GLOD4: variants seen among roughly 807,000 people sequenced by gnomAD.
GLOD4 encodes glyoxalase domain containing 4, also known as glyoxalase domain-containing protein 4.
Under a neutral mutation model 39.1 loss-of-function variants are expected in GLOD4, and 44 were observed. The observed-to-expected ratio is 1.13, with a 90% CI of 0.88 to 1.45. The LOEUF is 1.45. GLOD4 is among the 40% of genes most tolerant of loss of function. The pLI, the probability that GLOD4 is intolerant of heterozygous loss-of-function variation, is 0.00. For synonymous variants in GLOD4, 145 were observed against 135.0 expected (o/e 1.07, Z -0.52); for missense variants, 405 against 366.4 (o/e 1.11, Z -0.86).
intron 5 of GLOD4, 81 bp from the exon 6 acceptor site, chr17:770,588 A>G: frequency 2.6e-6 from 2 of 764,010 alleles, no homozygotes; most frequent in Admixed American, 1.8e-5. Flanking sequence ...CAAATATTAT[A>G]TACTAAAGGA....
At chr17:778,454 T>C in intron 2 of GLOD4, 1 of 589,752 alleles carries the variant, frequency 1.7e-6, no homozygotes, top group Non-Finnish European at 3.0e-6. Flanking sequence ...TGCAGAGAAA[T>C]GTGTTCCCGA....
In GLOD4 at chr17:782,247, A is replaced by C. The variant is rs1206367492; in HGVS notation, c.9T>G (p.Ala3=). MA[A]RRALHFVFKV... ...TGAATACGAAGTGCAGAGCTCTGCG[A>C]GCAGCCATGATTCCCGCCGCACGCA... Residue 3 remains alanine, a synonymous_variant, in exon 1 of 9, where the codon GCT becomes GCG. Coordinates refer to ENST00000301329, the MANE Select transcript of GLOD4 (RefSeq NM_016080.4). 6.2e-7 allele frequency: 1 copy of C among 1,613,228 alleles called. No homozygotes were observed. The highest frequency in any genetic ancestry group is 8.5e-7 in the Non-Finnish European group (1 of 1,179,696).
chr17:771,080 A>C (rs1240847575), intron 5 of GLOD4: 1 of 316,880 alleles, frequency 3.2e-6, no homozygotes, highest in Non-Finnish European at 5.8e-6. Flanking sequence ...AATCCATTCA[A>C]TCTCTTGGAT....
At chr17:776,790 A>G in intron 3 of GLOD4, 78 bp downstream of exon 3, 2 of 1,056,400 alleles carry the variant, frequency 1.9e-6, no homozygotes, top group Non-Finnish European at 1.5e-6. Flanking sequence ...ACTCACACAC[A>G]CCCTTGGCAC....
Position 770,636 on chromosome 17 carries a change from CAG to C in GLOD4, c.544-131_544-130del, listed in dbSNP as rs1218722600. On this transcript the variant is annotated intron_variant, in intron 5 of 8. Coordinates refer to ENST00000301329, the MANE Select transcript of GLOD4 (RefSeq NM_016080.4). ...CTGAGTCTCTATCCTACTCTCACCCCAGAGACAACTAGTCCACACTTTCCTGT... is the reference window on the plus strand; with the variant it reads ...CTGAGTCTCTATCCTACTCTCACCCCAGACAACTAGTCCACACTTTCCTGT... 1.8e-4 allele frequency: 109 copies of C among 617,606 alleles called. 1 individual carries two copies. The highest frequency in any genetic ancestry group is 5.0e-5 in the Non-Finnish European group (17 of 341,474). 38.3% of individuals were successfully genotyped at this position (617,606 alleles called of 1,614,324 possible). A position where few individuals can be genotyped will look rare whatever the true frequency, so the allele number is the denominator to read the frequency against.
At position 759,383 on chromosome 17, in the gene GLOD4, T is replaced by A. The variant is rs1287739326; in HGVS notation, c.*790A>T. ...ATACACAATATAATTCCATTTCGAG[T>A]GATTAAAACCTATTTGTTGTTTAGA... On this transcript the variant is annotated 3_prime_UTR_variant, in exon 9 of 9. Coordinates refer to ENST00000301329, the MANE Select transcript of GLOD4 (RefSeq NM_016080.4). 1 of 152,166 alleles carries A rather than the reference T, an allele frequency of 6.6e-6. No homozygotes were observed. Among genetic ancestry groups the A allele is most frequent in the African/African-American group, 2.4e-5 (1 of 41,440 alleles). The allele number at this position is 152,166 out of a possible 1,614,324, so 9.4% of individuals were successfully genotyped here.
intron 8 of GLOD4, among the ~76,000 whole-genome samples, chr17:761,544 G>A (rs540923762): frequency 1.2e-4 from 18 of 152,222 alleles, no homozygotes; most frequent in Middle Eastern, 3.4e-3. Flanking sequence ...TGCTCTTGTC[G>A]CCCAGGCTGG....
At chr17:778,469 C>T in intron 2 of GLOD4, 1 of 596,894 alleles carries the variant, frequency 1.7e-6, no homozygotes, top group Non-Finnish European at 3.0e-6. Context: ...TCCCGACGCT[C>T]CTGAAGTTGC....
rs888417774 is a variant in GLOD4 at position 759,522 on chromosome 17, CA to C, written c.*650del. ...ATGTTCTGTCGGGATTAAAAATATA[CA>C]CGGAAAAAAATAAAACAAAATATAT... On this transcript the variant is annotated 3_prime_UTR_variant, in exon 9 of 9. Transcript: ENST00000301329. 1.3e-5 allele frequency: 2 copies of C among 151,716 alleles called. No individual in the cohort carries two copies. The highest frequency in any genetic ancestry group is 4.8e-5 in the African/African-American group (2 of 41,252). The allele number at this position is 151,716 out of a possible 1,614,324, so 9.4% of individuals were successfully genotyped here.
At chr17:766,451 C>T (rs1906582674) in intron 8 of GLOD4, among the ~76,000 whole-genome samples, 1 of 152,052 alleles carries the variant, frequency 6.6e-6, no homozygotes, top group African/African-American at 2.4e-5. Context: ...CAAAAATTAG[C>T]CAGGCGTGGT....
chr17:773,846 C>T (rs1908426679), intron 4 of GLOD4, among the ~76,000 whole-genome samples: 1 of 152,114 alleles, frequency 6.6e-6, no homozygotes, highest in South Asian at 2.1e-4. Flanking sequence ...TGAAGGGACG[C>T]AGGACAGGAA....
At chr17:771,255 A>G in intron 5 of GLOD4, 70 bp downstream of exon 5, 2 of 920,700 alleles carry the variant, frequency 2.2e-6, no homozygotes, top group East Asian at 5.1e-5. Context: ...TAAAGGTTAT[A>G]AGCCATTTAT....
rs867439510 is a variant in GLOD4 at position 759,360 on chromosome 17, A to G, written c.*813T>C. The stretch of plus-strand genomic sequence containing the variant: ...TTCAAAAAAAATTTATTCAATGAAT[A>G]CACAATATAATTCCATTTCGAGTGA... On this transcript the variant is annotated 3_prime_UTR_variant, in exon 9 of 9. Coordinates refer to ENST00000301329, the MANE Select transcript of GLOD4 (RefSeq NM_016080.4). The G allele has an allele frequency of 2.6e-5, 4 of 152,384 alleles. No homozygotes were observed. The South Asian group carries it at 6.2e-4, about 24-fold the overall frequency. The allele number at this position is 152,384 out of a possible 1,614,324, so 9.4% of individuals were successfully genotyped here.
At chr17:778,888 C>T (rs1352276465) in intron 1 of GLOD4, 144 bp from the exon 2 acceptor site, 1 of 601,026 alleles carries the variant, frequency 1.7e-6, no homozygotes, top group African/African-American at 1.9e-5. Flanking sequence ...CTTTACACTT[C>T]TCCCAGGATA....
Position 770,085 on chromosome 17 carries a change from G to A in GLOD4, c.703C>T (p.Pro235Ser), listed in dbSNP as rs1293083470. 6.2e-7 allele frequency: 1 copy of A among 1,612,668 alleles called. No homozygotes were observed. Among genetic ancestry groups the A allele is most frequent in the East Asian group, 2.2e-5 (1 of 44,866 alleles). ...ACCACCTGTACTGTTGCTTTCCCTG[G>A]GGTGTCCAGGCTCACCAGGGGAGTC... Reference protein sequence around the residue: ...ILTPLVSLDTPGKATVQVVIL... With the variant: ...ILTPLVSLDTSGKATVQVVIL... The change falls in exon 7 of 9, where the codon CCA becomes TCA. Residue 235 changes from proline (P) to serine (S), a missense_variant. Coordinates refer to ENST00000301329, the MANE Select transcript of GLOD4 (RefSeq NM_016080.4).
chr17:764,949 G>A (rs1282252966), intron 8 of GLOD4: 1 of 151,026 alleles, frequency 6.6e-6, no homozygotes, highest in Non-Finnish European at 1.5e-5. Flanking sequence ...GGAGCTTGCA[G>A]TGAGCAGAGA....
upstream of GLOD4, chr17:783,405 C>G (rs1261927620): frequency 5.0e-6 from 7 of 1,390,400 alleles, no homozygotes; most frequent in Admixed American, 1.3e-4. Flanking sequence ...GGCGCGATCT[C>G]GGCCCACTGC....
intron 4 of GLOD4, among the ~76,000 whole-genome samples, chr17:774,406 C>T (rs898673459): frequency 1.3e-5 from 2 of 152,354 alleles, no homozygotes; most frequent in East Asian, 3.9e-4. Flanking sequence ...AGTGCCCTTG[C>T]CATTCGCCAG....
chr17:770,858 CTCTAA>C (rs1169389821), intron 5 of GLOD4: 3 of 226,584 alleles, frequency 1.3e-5, no homozygotes, highest in Non-Finnish European at 2.6e-5. Context: ...TGAAATATGT[CTCTAA>C]TCTATAGGAC....
Sources: allele counts gnomAD v4.1 joint callset (sites outside exome capture counted in the v4.1 genomes callset), GRCh38; gene constraint gnomAD v4.1.1; transcripts MANE v1.5; gene names NCBI Gene and HGNC (gene_info 2026-07-23, HGNC 2026-07-21).